Variants in KATNAL2 observed in about 807,000 individuals in gnomAD.
KATNAL2 encodes katanin p60 ATPase-containing subunit A-like 2.
A neutral mutation model predicts 76.3 loss-of-function variants in KATNAL2; 52 were observed. That is an observed-to-expected ratio of 0.68 (90% CI 0.55 to 0.86). The LOEUF is 0.86. KATNAL2 is among the 40% of genes least tolerant of loss of function. The probability of loss-of-function intolerance (pLI) is 0.00; values close to 1 mark genes in which losing one functional copy is unlikely to be tolerated. For synonymous variants in KATNAL2, 243 were observed against 244.2 expected, an observed-to-expected ratio of 1.00 and a Z score of 0.05; for missense variants, 660 against 668.9, an observed-to-expected ratio of 0.99 and a Z score of 0.15.
intron 3 of KATNAL2, among the ~76,000 whole-genome samples, chr18:47,031,321 C>T (rs902166256): frequency 3.9e-5 from 6 of 152,008 alleles, no homozygotes; most frequent in Non-Finnish European, 8.8e-5. Context: ...AAAACAGATC[C>T]ATTTGAAATA....
intron 15 of KATNAL2, 167 bp downstream of exon 15, chr18:47,077,628 C>A: frequency 1.7e-6 from 1 of 585,960 alleles, no homozygotes; most frequent in Non-Finnish European, 3.1e-6. Context: ...CTGTCTGTAC[C>A]ACGAAAGATC....
At chr18:47,057,343 A>T (rs1377396233) in intron 6 of KATNAL2, among the ~76,000 whole-genome samples, 5 of 152,202 alleles carry the variant, frequency 3.3e-5, no homozygotes, top group Admixed American at 2.0e-4. Context: ...CTCTCTCTGG[A>T]TGGCATCTTC....
chr18:46,953,524 G>T (rs184346408), intron 3 of KATNAL2, among the ~76,000 whole-genome samples: 1 of 152,236 alleles, frequency 6.6e-6, no homozygotes, highest in East Asian at 1.9e-4. Flanking sequence ...CTGTGTTAGA[G>T]GTGGGAGGGG....
intron 3 of KATNAL2, chr18:47,033,301 GA>G: frequency 6.2e-7 from 1 of 1,613,594 alleles, no homozygotes; most frequent in African/African-American, 1.3e-5. Context: ...TTGCCTCCTT[GA>G]AGTATCATAA....
intron 10 of KATNAL2, among the ~76,000 whole-genome samples, chr18:47,063,695 T>C (rs1248128982): frequency 6.6e-6 from 1 of 152,154 alleles, no homozygotes; most frequent in Non-Finnish European, 1.5e-5. Context: ...AAAGAGTATG[T>C]CTGCATCTGG....
At chr18:46,958,503 A>G (rs2146772230) in intron 3 of KATNAL2, among the ~76,000 whole-genome samples, 1 of 152,248 alleles carries the variant, frequency 6.6e-6, no homozygotes, top group East Asian at 1.9e-4. Context: ...ATGTTTGTAT[A>G]ATTTGTTCTG....
chr18:47,079,827 A>T lies in KATNAL2; in HGVS notation c.1211+2366A>T, dbSNP rs998732184. On this transcript the variant is annotated intron_variant, in intron 15 of 17. Coordinates refer to ENST00000683218, the MANE Select transcript of KATNAL2 (RefSeq NM_001387690.1). ...ATAGATTATATTCAGGATCAATAGA[A>T]TTTTTTGGCAAACACACTTCATAGG... Among the ~76,000 whole-genome samples the T allele has an allele frequency of 7.9e-5, 12 of 152,124 alleles. No individual in the cohort carries two copies. The East Asian group carries it at 2.1e-3, about 27-fold the overall frequency.
chr18:46,941,228 AG>A, intron 1 of KATNAL2, among the ~76,000 whole-genome samples: 1 of 145,432 alleles, frequency 6.9e-6, no homozygotes, highest in East Asian at 2.3e-4. Context: ...GGGTAGGGGT[AG>A]GGGGGCTGCT....
At position 47,102,195 on chromosome 18, in the gene KATNAL2, G is replaced by A. The variant is rs1405325259; in HGVS notation, c.*1190G>A. 2 of 152,094 alleles carry A rather than the reference G, an allele frequency of 1.3e-5. No individual in the cohort carries two copies. The highest frequency in any genetic ancestry group is 2.9e-5 in the Non-Finnish European group (2 of 68,026). 9.4% of individuals were successfully genotyped at this position (152,094 alleles called of 1,614,324 possible). A position where few individuals can be genotyped will look rare whatever the true frequency, so the allele number is the denominator to read the frequency against. On this transcript the variant is annotated 3_prime_UTR_variant, in exon 18 of 18. Transcript: ENST00000683218. ...ATCATTTCATGGAAAATGTCAAATT[G>A]AAAATATACCTTATTTAACAAATTG...
Position 47,031,373 on chromosome 18 carries a change from C to T in KATNAL2, c.52-15084C>T, listed in dbSNP as rs76120132. Among the ~76,000 whole-genome samples, 127 of 151,808 alleles carry T rather than the reference C, an allele frequency of 8.4e-4. 1 individual carries two copies. The East Asian group carries it at 0.023, about 27-fold the overall frequency. ...TTGTTTCTGCTGTCGTTGGCAGTTT[C>T]GCGTAATTTTTAATTTCTCGTGTGA... On this transcript the variant is annotated intron_variant, in intron 3 of 17. Transcript: ENST00000683218.
intron 3 of KATNAL2, chr18:47,034,040 C>G (rs754209641): frequency 2.5e-6 from 4 of 1,614,086 alleles, no homozygotes; most frequent in East Asian, 2.2e-5. Context: ...CTTTGTTTAT[C>G]TCCAAGTGCA....
chr18:46,949,085 A>T (rs2187093), intron 3 of KATNAL2, among the ~76,000 whole-genome samples: 6 of 152,136 alleles, frequency 3.9e-5, no homozygotes, highest in Admixed American at 3.9e-4. Context: ...ATTTAGTAGA[A>T]ATGGGTTTTG....
intron 3 of KATNAL2, among the ~76,000 whole-genome samples, chr18:47,036,577 G>C (rs2060782861): frequency 6.6e-6 from 1 of 152,060 alleles, no homozygotes. Flanking sequence ...AATATTTCTG[G>C]ATCTTCTTCC....
chr18:47,060,868 A>G lies in KATNAL2; in HGVS notation c.549+1214A>G, dbSNP rs145544486. Among the ~76,000 whole-genome samples, 186 of 152,286 alleles carry G rather than the reference A, an allele frequency of 1.2e-3. 2 individuals carry two copies. The highest frequency in any genetic ancestry group is 4.4e-3 in the African/African-American group (182 of 41,558). ...GAAAAATGTCTCCTTGTTCACCTTCACTGCTTCTATTGTGTTTTCAGTCAC... is the reference window on the plus strand; with the variant it reads ...GAAAAATGTCTCCTTGTTCACCTTCGCTGCTTCTATTGTGTTTTCAGTCAC... On this transcript the variant is annotated intron_variant, in intron 8 of 17. Transcript: ENST00000683218.
Position 47,059,633 on chromosome 18 carries a change from G to A in KATNAL2, c.528G>A (p.Glu176=). The stretch of plus-strand genomic sequence containing the variant: ...CAAGAATCCGTAAAGACAGTGGAGA[G>A]GAAAATGCCCACCCACGAAGAGTAA... ...HISRIRKDSG[E]ENAHPRRGQI... is the part of the protein sequence containing the mutation. The change falls in exon 8 of 18, where the codon GAG becomes GAA. Residue 176 remains glutamate, a synonymous_variant. Coordinates refer to ENST00000683218, the MANE Select transcript of KATNAL2 (RefSeq NM_001387690.1). The A allele has an allele frequency of 6.2e-7, 1 of 1,612,928 alleles. No homozygotes were observed. Among genetic ancestry groups the A allele is most frequent in the Non-Finnish European group, 8.5e-7 (1 of 1,178,940 alleles).
chr18:47,044,822 G>T (rs994883667), intron 3 of KATNAL2, among the ~76,000 whole-genome samples: 1 of 151,630 alleles, frequency 6.6e-6, no homozygotes, highest in Non-Finnish European at 1.5e-5. Context: ...GGTGGCTCAC[G>T]CCTGTAATCC....
intron 3 of KATNAL2, among the ~76,000 whole-genome samples, chr18:47,045,943 G>C (rs749209078): frequency 1.7e-4 from 26 of 152,328 alleles, no homozygotes; most frequent in Non-Finnish European, 3.4e-4. Context: ...GCTATTCTCA[G>C]TGGCTATTCT....
At chr18:47,038,057 A>T (rs2060840411) in intron 3 of KATNAL2, among the ~76,000 whole-genome samples, 1 of 152,140 alleles carries the variant, frequency 6.6e-6, no homozygotes, top group Non-Finnish European at 1.5e-5. Flanking sequence ...CCCATTATAG[A>T]CATCGACTCT....
rs2060540930 is a variant in KATNAL2, at chr18:47,032,869, T to C, written c.52-13588T>C. ...AATCACAGGGCCAGCACATGACACC[T>C]GCAGAATTCAAAGGCTCAACTTTGC... is the stretch of plus-strand genomic sequence containing the variant. On this transcript the variant is annotated intron_variant, in intron 3 of 17. Coordinates refer to ENST00000683218, the MANE Select transcript of KATNAL2 (RefSeq NM_001387690.1). 6.5e-6 allele frequency: 10 copies of C among 1,545,648 alleles called. No individual in the cohort carries two copies. In the East Asian group the frequency reaches 2.3e-4, roughly 35 times the overall value.
Sources: gnomAD v4.1 joint callset for allele counts (sites outside exome capture counted in the v4.1 genomes callset) on GRCh38, gnomAD v4.1.1 for gene constraint, MANE v1.5 for transcripts, NCBI Gene and HGNC (gene_info 2026-07-23, HGNC 2026-07-21) for gene names.